Variants in TMEM132C observed in about 807,000 individuals in gnomAD.
The protein encoded by TMEM132C is protein phosphatase 1, regulatory subunit 152.
In TMEM132C, 29 loss-of-function variants were observed where a neutral mutation model predicts 61.4. The observed-to-expected ratio is 0.47, with a 90% confidence interval of 0.35 to 0.64. The LOEUF is 0.64. Ranked by LOEUF, TMEM132C falls within the 30% of genes least tolerant of loss-of-function variation. The pLI, the probability that TMEM132C is intolerant of heterozygous loss-of-function variation, is 0.00. For missense variants in TMEM132C, 1,408 were observed against 1,476.9 expected, an observed-to-expected ratio of 0.95 and a Z score of 0.76; for synonymous variants, 656 against 633.1, an observed-to-expected ratio of 1.04 and a Z score of -0.54.
chr12:128,521,375 G>A (rs1007841058), intron 2 of TMEM132C, among the ~76,000 whole-genome samples: 1 of 151,674 alleles, frequency 6.6e-6, no homozygotes, highest in Admixed American at 6.6e-5. Flanking sequence ...GTATACATGT[G>A]TCACGTTGGT....
chr12:128,317,798 C>T (rs868103955), intron 1 of TMEM132C, among the ~76,000 whole-genome samples: 6 of 152,194 alleles, frequency 3.9e-5, no homozygotes, highest in East Asian at 1.9e-4. Context: ...GGCAGGAGGA[C>T]GGCTTGAACC....
At chr12:128,671,207 A>G (rs1338466832) in intron 5 of TMEM132C, among the ~76,000 whole-genome samples, 1 of 152,250 alleles carries the variant, frequency 6.6e-6, no homozygotes, top group Non-Finnish European at 1.5e-5. Context: ...GACAGAAAAC[A>G]TATGGCTTAG....
At chr12:128,384,446 G>A (rs1565919621) in intron 1 of TMEM132C, among the ~76,000 whole-genome samples, 1 of 152,132 alleles carries the variant, frequency 6.6e-6, no homozygotes, top group Non-Finnish European at 1.5e-5. Flanking sequence ...GGGTCAAGAG[G>A]TTTTAAGAAC....
At chr12:128,621,597 C>T (rs1303260656) in intron 4 of TMEM132C, among the ~76,000 whole-genome samples, 3 of 152,226 alleles carry the variant, frequency 2.0e-5, no homozygotes, top group Middle Eastern at 3.2e-3. Context: ...GCCTGAGGAA[C>T]TATGAGAGAA....
chr12:128,477,614 C>G (rs944002087), intron 2 of TMEM132C, among the ~76,000 whole-genome samples: 1 of 152,132 alleles, frequency 6.6e-6, no homozygotes, highest in Non-Finnish European at 1.5e-5. Flanking sequence ...GAGTCTCACT[C>G]TGTTGCCCAA....
intron 1 of TMEM132C, among the ~76,000 whole-genome samples, chr12:128,309,662 C>G (rs1871905501): frequency 6.6e-6 from 1 of 152,156 alleles, no homozygotes; most frequent in African/African-American, 2.4e-5. Context: ...GCTTCTCTCA[C>G]TCGGCATCAC....
chr12:128,411,087 CTGTG>C (rs1432412994), intron 1 of TMEM132C, among the ~76,000 whole-genome samples: 4 of 152,150 alleles, frequency 2.6e-5, no homozygotes, highest in Non-Finnish European at 5.9e-5. Context: ...GTCTTATTCT[CTGTG>C]TGTGCATGTT....
intron 1 of TMEM132C, among the ~76,000 whole-genome samples, chr12:128,344,394 G>A (rs948004480): frequency 1.2e-4 from 19 of 152,208 alleles, no homozygotes; most frequent in African/African-American, 3.9e-4. Flanking sequence ...TTCTCACCTC[G>A]TGATCCACCC....
chr12:128,486,873 G>T (rs1160872190), intron 2 of TMEM132C, among the ~76,000 whole-genome samples: 1 of 114,442 alleles, frequency 8.7e-6, no homozygotes, highest in Non-Finnish European at 1.7e-5. Context: ...ATGTGTGCAT[G>T]CAAACACACA....
At chr12:128,686,558 A>C (rs1222973955) in intron 5 of TMEM132C, among the ~76,000 whole-genome samples, 1 of 152,152 alleles carries the variant, frequency 6.6e-6, no homozygotes, top group Non-Finnish European at 1.5e-5. Context: ...GCACTAATGC[A>C]CTCCAGCCTG....
At chr12:128,473,347 TTCATCTTCA>T (rs1871030749) in intron 2 of TMEM132C, among the ~76,000 whole-genome samples, 1 of 152,052 alleles carries the variant, frequency 6.6e-6, no homozygotes, top group Non-Finnish European at 1.5e-5. Flanking sequence ...AGCCTCCTTC[TTCATCTTCA>T]CTCCAGCCTC....
At chr12:128,562,196 C>T (rs1199185749) in intron 3 of TMEM132C, among the ~76,000 whole-genome samples, 1 of 152,180 alleles carries the variant, frequency 6.6e-6, no homozygotes, top group Non-Finnish European at 1.5e-5. Flanking sequence ...ACACCCAAGC[C>T]TCTTAAGTTG....
At chr12:128,429,349 A>T (rs4882760) in intron 2 of TMEM132C, among the ~76,000 whole-genome samples, 62,879 of 152,018 alleles carry the variant, frequency 0.41, 14,011 homozygotes, top group Non-Finnish European at 0.5. Context: ...CGATGGAGAA[A>T]CCCTGAGATG....
intron 1 of TMEM132C, among the ~76,000 whole-genome samples, chr12:128,319,786 A>G (rs576501092): frequency 6.6e-6 from 1 of 151,194 alleles, no homozygotes; most frequent in African/African-American, 2.4e-5. Flanking sequence ...AGATTGCGCC[A>G]CTGCACTCCA....
rs537589804 is a variant in TMEM132C at position 128,390,440 on chromosome 12, T to C, written c.86-24292T>C. Among the ~76,000 whole-genome samples, 87 of 152,266 alleles carry C rather than the reference T, an allele frequency of 5.7e-4. 1 individual carries two copies. The highest frequency in any genetic ancestry group is 1.5e-3 in the Admixed American group (23 of 15,296). On this transcript the variant is annotated intron_variant, in intron 1 of 8. Transcript: ENST00000435159. ...AGAGCTGGCAGCTGTGGGTGGGTCC[T>C]GCTCACTTTGCATCCCTGCAGCCTC... is the stretch of plus-strand genomic sequence containing the variant.
chr12:128,358,640 G>T (rs1384133587), intron 1 of TMEM132C, among the ~76,000 whole-genome samples: 1 of 151,844 alleles, frequency 6.6e-6, no homozygotes, highest in African/African-American at 2.4e-5. Flanking sequence ...CCAACCATGG[G>T]GTCCCCTGGT....
At chr12:128,358,344 G>A (rs953211829) in intron 1 of TMEM132C, among the ~76,000 whole-genome samples, 2 of 152,108 alleles carry the variant, frequency 1.3e-5, no homozygotes, top group African/African-American at 4.8e-5. Context: ...CCCACGGATT[G>A]GACTGCTTTC....
At chr12:128,514,153 C>T (rs190909753) in intron 2 of TMEM132C, among the ~76,000 whole-genome samples, 3 of 152,348 alleles carry the variant, frequency 2.0e-5, no homozygotes, top group Admixed American at 6.5e-5. Context: ...AAGAAAGCAT[C>T]ACAATCCAAG....
chr12:128,373,886 C>T (rs1193364296), intron 1 of TMEM132C, among the ~76,000 whole-genome samples: 1 of 152,206 alleles, frequency 6.6e-6, no homozygotes, highest in African/African-American at 2.4e-5. Flanking sequence ...TTGCGTGCTG[C>T]ACTTCAGCTT....
Sources: gnomAD v4.1 joint callset for allele counts (sites outside exome capture counted in the v4.1 genomes callset) on GRCh38, gnomAD v4.1.1 for gene constraint, MANE v1.5 for transcripts, NCBI Gene and HGNC (gene_info 2026-07-23, HGNC 2026-07-21) for gene names.